Variants in VWA3A observed in about 807,000 individuals in gnomAD.
VWA3A encodes the protein von Willebrand factor A domain containing 3A.
VWA3A carries 134 observed loss-of-function variants against 160.4 expected under a neutral mutation model. The observed-to-expected ratio is 0.84, with a 90% CI of 0.73 to 0.96. VWA3A has a LOEUF of 0.96. VWA3A is among the 40% of genes least tolerant of loss of function. The probability of loss-of-function intolerance (pLI) is 0.00; values close to 1 mark genes in which losing one functional copy is unlikely to be tolerated. For missense variants in VWA3A, 1,310 were observed against 1,447.9 expected, an observed-to-expected ratio of 0.90 and a Z score of 1.55; for synonymous variants, 476 against 543.4, an observed-to-expected ratio of 0.88 and a Z score of 1.72.
chr16:22,100,964 C>CAAAAAAA (rs59096934), intron 5 of VWA3A, among the ~76,000 whole-genome samples: 2 of 60,778 alleles, frequency 3.3e-5, no homozygotes, highest in African/African-American at 6.0e-5. Flanking sequence ...GACCCTGTCT[C>CAAAAAAA]AAAAAAAAAA....
intron 23 of VWA3A, chr16:22,141,085 A>G: frequency 2.4e-6 from 1 of 418,740 alleles, no homozygotes; most frequent in South Asian, 1.7e-5. Context: ...TGACAAAGGA[A>G]CTGAGGCTCA....
At chr16:22,143,754 T>C (rs1439783437) in intron 25 of VWA3A, among the ~76,000 whole-genome samples, 1 of 151,176 alleles carries the variant, frequency 6.6e-6, no homozygotes, top group African/African-American at 2.4e-5. Flanking sequence ...TCTTTCTTTT[T>C]TTTTTTTTTT....
At chr16:22,149,299 G>T (rs2046307099) in intron 28 of VWA3A, among the ~76,000 whole-genome samples, 1 of 152,162 alleles carries the variant, frequency 6.6e-6, no homozygotes, top group African/African-American at 2.4e-5. Flanking sequence ...GAGTGCAGTG[G>T]TGTGATCATA....
intron 25 of VWA3A, among the ~76,000 whole-genome samples, chr16:22,143,881 C>T (rs1239790770): frequency 6.6e-6 from 1 of 151,866 alleles, no homozygotes; most frequent in Non-Finnish European, 1.5e-5. Context: ...GCTGGGATTA[C>T]AGGCATGCAC....
At chr16:22,141,439 A>G in intron 23 of VWA3A, 143 bp from the exon 24 acceptor site, 1 of 710,404 alleles carries the variant, frequency 1.4e-6, no homozygotes, top group Non-Finnish European at 2.5e-6. Context: ...GCGGGGGAGG[A>G]CACAGGGTGC....
At chr16:22,139,556 T>A (rs959584659) in intron 22 of VWA3A, among the ~76,000 whole-genome samples, 32 of 151,972 alleles carry the variant, frequency 2.1e-4, no homozygotes, top group African/African-American at 7.7e-4. Context: ...TAGCCGGGTG[T>A]GGTGGCGGGT....
rs752565167 is a variant in VWA3A, at chr16:22,155,944, A to G, written c.*14+28A>G. On this transcript the variant is annotated intron_variant, in intron 33 of 33. Coordinates refer to ENST00000389398, the MANE Select transcript of VWA3A (RefSeq NM_173615.5). Reference sequence around the variant, plus strand: ...AAGGGGAGGGGCTAGACCCCATACTACCTGAGTGTGCACTAAGCACCAAGT... The same window carrying G: ...AAGGGGAGGGGCTAGACCCCATACTGCCTGAGTGTGCACTAAGCACCAAGT... The G allele has an allele frequency of 4.3e-6, 7 of 1,609,392 alleles. No homozygotes were observed. In the South Asian group the frequency reaches 7.7e-5, roughly 18 times the overall value.
At chr16:22,115,103 G>T (rs1054936237) in intron 8 of VWA3A, among the ~76,000 whole-genome samples, 3 of 151,896 alleles carry the variant, frequency 2.0e-5, no homozygotes, top group Non-Finnish European at 4.4e-5. Context: ...CACCATGCCC[G>T]GCCCTCTACA....
At chr16:22,130,537 CCTCTT>C (rs1376629323) in intron 17 of VWA3A, among the ~76,000 whole-genome samples, 1 of 152,090 alleles carries the variant, frequency 6.6e-6, no homozygotes, top group Admixed American at 6.6e-5. Context: ...GGGTATAAAT[CCTCTT>C]CTCAAAGATC....
chr16:22,129,909 C>T (rs1266406578), intron 17 of VWA3A, among the ~76,000 whole-genome samples: 6 of 152,004 alleles, frequency 3.9e-5, no homozygotes, highest in African/African-American at 7.2e-5. Context: ...ACCTGAAGGT[C>T]GGGCGCGGTG....
At chr16:22,140,406 A>G (rs961182788) in intron 23 of VWA3A, among the ~76,000 whole-genome samples, 162 bp downstream of exon 23, 1 of 152,118 alleles carries the variant, frequency 6.6e-6, no homozygotes, top group Non-Finnish European at 1.5e-5. Flanking sequence ...TCAGGAGTTC[A>G]AGACAAGCCT....
At chr16:22,097,773 AT>A in intron 3 of VWA3A, 78 bp downstream of exon 3, 1 of 1,516,424 alleles carries the variant, frequency 6.6e-7, no homozygotes, top group Non-Finnish European at 8.9e-7. Context: ...AATTCTGGGG[AT>A]TTCTTCCTTC....
In VWA3A at chr16:22,148,372, G is replaced by A. The variant is rs114826661; in HGVS notation, c.2984+66G>A. 3,385 of 1,518,054 alleles carry A rather than the reference G, an allele frequency of 2.2e-3. 71 individuals are homozygous for A. The African/African-American group carries it at 0.041, about 19-fold the overall frequency. 94.0% of individuals were successfully genotyped at this position (1,518,054 alleles called of 1,614,324 possible). Reference sequence around the variant, plus strand: ...TCCTGGGGCTTCCCTGGCCAAGCACGCCCCCTCTTCTCAGTGCCAACAGGC... The same window carrying A: ...TCCTGGGGCTTCCCTGGCCAAGCACACCCCCTCTTCTCAGTGCCAACAGGC... On this transcript the variant is annotated intron_variant, in intron 28 of 33. Transcript: ENST00000389398.
intron 10 of VWA3A, 52 bp from the exon 11 acceptor site, chr16:22,117,059 T>G: frequency 2.6e-6 from 4 of 1,542,292 alleles, no homozygotes; most frequent in Non-Finnish European, 3.5e-6. Flanking sequence ...GAAGGCTTAC[T>G]GGAGTATTGG....
intron 17 of VWA3A, among the ~76,000 whole-genome samples, chr16:22,130,003 C>T (rs568635134): frequency 4.6e-4 from 70 of 152,252 alleles, no homozygotes; most frequent in Middle Eastern, 3.4e-3. Context: ...GCCTGGCCGA[C>T]GTGGTGAAAC....
In VWA3A at chr16:22,131,545, G is replaced by A. The variant is rs549218455; in HGVS notation, c.1728-40G>A. 5 of 1,603,280 alleles carry A rather than the reference G, an allele frequency of 3.1e-6. No individual in the cohort carries two copies. The African/African-American group carries it at 5.3e-5, about 17-fold the overall frequency. On this transcript the variant is annotated intron_variant, in intron 18 of 33. Transcript: ENST00000389398. Reference sequence around the variant, plus strand: ...CTCCCAAAAGGTATGCCCTGGGCATGGGCCAATGACCCTCAGCATGGCCAT... The same window carrying A: ...CTCCCAAAAGGTATGCCCTGGGCATAGGCCAATGACCCTCAGCATGGCCAT...
chr16:22,129,402 A>AAG (rs1555458651), intron 17 of VWA3A, among the ~76,000 whole-genome samples: 46 of 118,958 alleles, frequency 3.9e-4, no homozygotes, highest in South Asian at 1.6e-3. Context: ...AAAAAAAAAA[A>AAG]AAAGAAAGAA....
chr16:22,146,170 G>A, intron 26 of VWA3A, 66 bp from the exon 27 acceptor site: 1 of 1,274,556 alleles, frequency 7.8e-7, no homozygotes, highest in Non-Finnish European at 1.1e-6. Context: ...ACAATTTTAG[G>A]GGGTGATGGG....
chr16:22,097,820 G>A, intron 3 of VWA3A, 125 bp downstream of exon 3: 1 of 1,281,910 alleles, frequency 7.8e-7, no homozygotes, highest in Non-Finnish European at 1.1e-6. Context: ...GAGTAATTAA[G>A]CATTTATCTC....
Sources: gnomAD v4.1 joint callset for allele counts (sites outside exome capture counted in the v4.1 genomes callset) on GRCh38, gnomAD v4.1.1 for gene constraint, MANE v1.5 for transcripts, NCBI Gene and HGNC (gene_info 2026-07-23, HGNC 2026-07-21) for gene names.